The following SH3BP5 variants were observed in gnomAD, a reference collection of about 807,000 sequenced individuals.
The protein encoded by SH3BP5 is SH3 domain-binding protein 5.
In SH3BP5, 22 loss-of-function variants were observed where a neutral mutation model predicts 43.3. That is an observed-to-expected ratio of 0.51 (90% CI 0.36 to 0.73). The LOEUF (loss-of-function observed/expected upper bound fraction) is 0.73, where lower values mean the gene tolerates loss of function less well. Among genes scored for constraint, SH3BP5 ranks in the 30% least tolerant of loss-of-function variants. The probability of loss-of-function intolerance (pLI) is 0.00; values close to 1 mark genes in which losing one functional copy is unlikely to be tolerated. For missense variants in SH3BP5, 529 were observed against 586.9 expected (o/e 0.90, Z 1.02); for synonymous variants, 255 against 225.8 (o/e 1.13, Z -1.16).
At chr3:15,294,648 G>GA (rs1177379676) in intron 3 of SH3BP5, among the ~76,000 whole-genome samples, 1 of 152,110 alleles carries the variant, frequency 6.6e-6, no homozygotes, top group Non-Finnish European at 1.5e-5. Context: ...GGCCAAAAGG[G>GA]AAACAATGAC....
chr3:15,341,060 A>G (rs1698759861), intron 1 of SH3BP5, among the ~76,000 whole-genome samples: 2 of 152,104 alleles, frequency 1.3e-5, no homozygotes, highest in African/African-American at 4.8e-5. Flanking sequence ...CTCAAAAAAT[A>G]ATAAATAAAT....
chr3:15,323,429 G>A lies in SH3BP5; in HGVS notation c.201+7075C>T, dbSNP rs116820970. On this transcript the variant is annotated intron_variant, in intron 2 of 8. Coordinates refer to ENST00000383791, the MANE Select transcript of SH3BP5 (RefSeq NM_004844.5). Reference sequence around the variant, plus strand: ...CATTGGAACCTTCTCTGTTTGCAGCGCCCAGCGGGTCTCAGCCCTCCCTGC... The same window carrying A: ...CATTGGAACCTTCTCTGTTTGCAGCACCCAGCGGGTCTCAGCCCTCCCTGC... Among the ~76,000 whole-genome samples the A allele has an allele frequency of 9.9e-3, 1,509 of 152,230 alleles. 13 individuals are homozygous for A. The highest frequency in any genetic ancestry group is 0.018 in the Admixed American group (278 of 15,294).
chr3:15,293,662 T>C (rs1230542569), intron 3 of SH3BP5, among the ~76,000 whole-genome samples: 1 of 152,222 alleles, frequency 6.6e-6, no homozygotes, highest in South Asian at 2.1e-4. Flanking sequence ...GCCTCCTATG[T>C]GCCAGGCACC....
At chr3:15,333,672 A>G (rs936276358), upstream of SH3BP5, among the ~76,000 whole-genome samples, 1 of 152,170 alleles carries the variant, frequency 6.6e-6, no homozygotes, top group Non-Finnish European at 1.5e-5. Context: ...TGGTGGTTTT[A>G]TCAGAAACTA....
chr3:15,333,797 A>G (rs1356279843), upstream of SH3BP5, among the ~76,000 whole-genome samples: 1 of 152,222 alleles, frequency 6.6e-6, no homozygotes, highest in East Asian at 1.9e-4. Flanking sequence ...TTGTTTCTAA[A>G]AAGGTCAGAC....
At chr3:15,266,696 G>A (rs1696655267) in intron 4 of SH3BP5, among the ~76,000 whole-genome samples, 1 of 152,232 alleles carries the variant, frequency 6.6e-6, no homozygotes, top group Non-Finnish European at 1.5e-5. Context: ...CAAGCTACTT[G>A]TATTTTCCAG....
intron 3 of SH3BP5, chr3:15,276,024 A>AAAAG (rs1696954869): frequency 6.6e-6 from 1 of 151,210 alleles, no homozygotes; most frequent in Non-Finnish European, 1.5e-5. Context: ...TGTCTCAAAA[A>AAAAG]AAAAAAAAAA....
At chr3:15,311,772 C>G (rs1053151645) in intron 2 of SH3BP5, among the ~76,000 whole-genome samples, 11 of 152,086 alleles carry the variant, frequency 7.2e-5, no homozygotes, top group Admixed American at 6.6e-4. Flanking sequence ...CTCCTGGGCT[C>G]AAGCAATGCC....
At chr3:15,281,045 C>A (rs1275480258) in intron 3 of SH3BP5, among the ~76,000 whole-genome samples, 1 of 152,138 alleles carries the variant, frequency 6.6e-6, no homozygotes, top group Non-Finnish European at 1.5e-5. Flanking sequence ...TGTAATTATG[C>A]CTCATGACAT....
In SH3BP5 at chr3:15,312,285, T is replaced by A. The variant is rs1575339307; in HGVS notation, c.202-8054A>T. Among the ~76,000 whole-genome samples, 6 of 152,338 alleles carry A rather than the reference T, an allele frequency of 3.9e-5. No individual in the cohort carries two copies. The South Asian group carries it at 1.2e-3, about 32-fold the overall frequency. On this transcript the variant is annotated intron_variant, in intron 2 of 8. Transcript: ENST00000383791. ...TTGCGAAAGCATGTACAACAATTAC[T>A]CTTTCATTGAATTTTCTGTTTGGAA...
upstream of SH3BP5, chr3:15,332,591 T>C (rs1698645001): frequency 3.5e-5 from 42 of 1,201,224 alleles, no homozygotes; most frequent in Non-Finnish European, 4.2e-5. Context: ...GCAGAGGAAA[T>C]GGGCGCGGCC....
upstream of SH3BP5, among the ~76,000 whole-genome samples, chr3:15,335,571 CAA>C (rs34622084): frequency 1.4e-5 from 2 of 147,290 alleles, no homozygotes; most frequent in East Asian, 2.0e-4. Flanking sequence ...GACCCTATCT[CAA>C]AAAAAAAATG....
chr3:15,326,664 G>A (rs183228917), intron 2 of SH3BP5, among the ~76,000 whole-genome samples: 3 of 152,270 alleles, frequency 2.0e-5, no homozygotes, highest in Admixed American at 6.5e-5. Context: ...ACACAGGAGC[G>A]ACGTTCTGCC....
intron 3 of SH3BP5, among the ~76,000 whole-genome samples, chr3:15,272,474 G>C (rs1238405441): frequency 1.3e-5 from 2 of 152,226 alleles, no homozygotes; most frequent in African/African-American, 4.8e-5. Context: ...GGACACAAAT[G>C]ATTTGAAAAC....
chr3:15,320,901 C>A lies in SH3BP5; in HGVS notation c.201+9603G>T, dbSNP rs1369783818. Among the ~76,000 whole-genome samples the A allele has an allele frequency of 2.0e-5, 3 of 152,256 alleles. No individual in the cohort carries two copies. The East Asian group carries it at 5.8e-4, about 29-fold the overall frequency. ...TTTGTAGGAAAGTCGGCGTGTACTG[C>A]AATAGCAAGCACTTATGATCCTGCC... On this transcript the variant is annotated intron_variant, in intron 2 of 8. Transcript: ENST00000383791.
chr3:15,257,178 C>G (rs1379098540), intron 7 of SH3BP5, 65 bp from the exon 8 acceptor site: 3 of 1,539,254 alleles, frequency 1.9e-6, no homozygotes, highest in Admixed American at 1.8e-5. Flanking sequence ...CAAGTGCTTG[C>G]TGCTGGCAGG....
At chr3:15,259,899 C>G (rs1352311374) in intron 5 of SH3BP5, 96 bp from the exon 6 acceptor site, 12 of 1,111,422 alleles carry the variant, frequency 1.1e-5, no homozygotes, top group Admixed American at 5.2e-5. Context: ...TACCACTGGC[C>G]AGGTCGTCCT....
intron 3 of SH3BP5, among the ~76,000 whole-genome samples, chr3:15,276,724 C>G (rs373579191): frequency 6.7e-4 from 102 of 152,296 alleles, no homozygotes; most frequent in African/African-American, 2.2e-3. Context: ...GCTCTCAAGA[C>G]CAGACCAACC....
At chr3:15,256,676 G>C (rs1559421260) in intron 8 of SH3BP5, 177 bp downstream of exon 8, 7 of 707,086 alleles carry the variant, frequency 9.9e-6, no homozygotes, top group South Asian at 4.1e-5. Flanking sequence ...GGAGCCAGGA[G>C]CCCCCCCAGA....
Sources: gnomAD v4.1 joint callset for allele counts (sites outside exome capture counted in the v4.1 genomes callset) on GRCh38, gnomAD v4.1.1 for gene constraint, MANE v1.5 for transcripts, NCBI Gene and HGNC (gene_info 2026-07-23, HGNC 2026-07-21) for gene names.